The following B3GALT1 variants were observed in gnomAD, a reference collection of about 807,000 sequenced individuals.
B3GALT1 encodes the protein UDP-Gal:betaGlcNAc beta 1,3-galactosyltransferase, polypeptide 1.
A neutral mutation model predicts 23.2 loss-of-function variants in B3GALT1; 10 were observed. The observed-to-expected ratio is 0.43, with a 90% CI of 0.27 to 0.73. The LOEUF is 0.73. Ranked by LOEUF, B3GALT1 falls within the 30% of genes least tolerant of loss-of-function variation. B3GALT1 has a pLI of 0.21. For missense variants in B3GALT1, 299 were observed against 405.4 expected, an observed-to-expected ratio of 0.74 and a Z score of 2.25; for synonymous variants, 156 against 141.5, an observed-to-expected ratio of 1.10 and a Z score of -0.73.
At chr2:167,446,135 C>A (rs1463291536) in intron 1 of B3GALT1, among the ~76,000 whole-genome samples, 1 of 152,122 alleles carries the variant, frequency 6.6e-6, no homozygotes, top group East Asian at 1.9e-4. Context: ...CTTAGTTTGG[C>A]TGGATATGAA....
chr2:167,670,996 T>C (rs1461074214), intron 3 of B3GALT1, among the ~76,000 whole-genome samples: 2 of 152,092 alleles, frequency 1.3e-5, no homozygotes, highest in Non-Finnish European at 2.9e-5. Context: ...ATGGAAAAGA[T>C]ATTCCATGCA....
chr2:167,333,570 G>A (rs1290723715), intron 1 of B3GALT1, among the ~76,000 whole-genome samples: 1 of 152,158 alleles, frequency 6.6e-6, no homozygotes, highest in Non-Finnish European at 1.5e-5. Flanking sequence ...GGCTTCATAA[G>A]CACTGGGTTC....
Position 167,475,100 on chromosome 2 carries a change from A to G in B3GALT1, c.-510-15077A>G, listed in dbSNP as rs140344722. ...TTGCTTTCTGCAATTTCAATTACCT[A>G]TGGTCAGCTGCAGTCCAAAAATATT... On this transcript the variant is annotated intron_variant, in intron 1 of 4. Coordinates refer to ENST00000392690, the MANE Select transcript of B3GALT1 (RefSeq NM_020981.4). 6.4e-3 allele frequency among the ~76,000 whole-genome samples: 980 copies of G among 152,280 alleles called. 9 individuals are homozygous for G. Among genetic ancestry groups the G allele is most frequent in the Non-Finnish European group, 7.8e-3 (528 of 68,024 alleles).
chr2:167,700,106 C>G (rs1357386200), intron 3 of B3GALT1, among the ~76,000 whole-genome samples: 3 of 152,034 alleles, frequency 2.0e-5, no homozygotes, highest in African/African-American at 7.2e-5. Flanking sequence ...AAAAATTATC[C>G]AGGCGCAATG....
intron 2 of B3GALT1, among the ~76,000 whole-genome samples, chr2:167,516,387 TAA>T (rs1425474930): frequency 6.6e-6 from 1 of 152,114 alleles, no homozygotes; most frequent in African/African-American, 2.4e-5. Context: ...TTGTTTTGCT[TAA>T]GTTTTTTATT....
intron 1 of B3GALT1, among the ~76,000 whole-genome samples, chr2:167,408,248 A>G (rs754023296): frequency 3.9e-5 from 6 of 152,218 alleles, no homozygotes; most frequent in African/African-American, 9.6e-5. Context: ...AATATATCAC[A>G]TTAACAGAAT....
intron 1 of B3GALT1, among the ~76,000 whole-genome samples, chr2:167,442,269 A>G (rs993533704): frequency 9.9e-5 from 15 of 152,112 alleles, no homozygotes; most frequent in Admixed American, 3.9e-4. Flanking sequence ...TTCTTAATCC[A>G]GTCTATCATT....
At chr2:167,592,118 G>C (rs1684693787) in intron 2 of B3GALT1, among the ~76,000 whole-genome samples, 1 of 152,140 alleles carries the variant, frequency 6.6e-6, no homozygotes, top group Non-Finnish European at 1.5e-5. Flanking sequence ...TGCAAGTTTG[G>C]AGGCAAAAGA....
At chr2:167,667,686 T>G (rs1686229555) in intron 3 of B3GALT1, among the ~76,000 whole-genome samples, 1 of 152,230 alleles carries the variant, frequency 6.6e-6, no homozygotes, top group African/African-American at 2.4e-5. Context: ...CCCTTCTCGC[T>G]TCATTTCATT....
chr2:167,837,432 G>A (rs936981767), intron 4 of B3GALT1, among the ~76,000 whole-genome samples: 7 of 151,732 alleles, frequency 4.6e-5, no homozygotes, highest in Admixed American at 2.0e-4. Flanking sequence ...GACAAAGAAG[G>A]CCATTACATA....
chr2:167,349,150 G>A (rs1000684249), intron 1 of B3GALT1, among the ~76,000 whole-genome samples: 7 of 152,136 alleles, frequency 4.6e-5, no homozygotes, highest in Non-Finnish European at 8.8e-5. Context: ...GGGCAACCAT[G>A]GTGTGAAAAT....
intron 2 of B3GALT1, among the ~76,000 whole-genome samples, chr2:167,541,005 A>G (rs905223026): frequency 6.6e-6 from 1 of 152,184 alleles, no homozygotes; most frequent in African/African-American, 2.4e-5. Context: ...ATTACTTTAA[A>G]ATGGAATTTT....
Position 167,362,647 on chromosome 2 carries a change from G to A in B3GALT1, c.-511+69313G>A, listed in dbSNP as rs137960966. On this transcript the variant is annotated intron_variant, in intron 1 of 4. Transcript: ENST00000392690. ...TTTTCCTTCTGGGCCTTATTTAACTGTCTTTTGATATCTCCCCTTCCTGAG... is the reference window on the plus strand; with the variant it reads ...TTTTCCTTCTGGGCCTTATTTAACTATCTTTTGATATCTCCCCTTCCTGAG... 7.5e-3 allele frequency among the ~76,000 whole-genome samples: 1,129 copies of A among 151,330 alleles called. 19 individuals are homozygous for A. Among genetic ancestry groups the A allele is most frequent in the African/African-American group, 0.026 (1,086 of 41,114 alleles).
chr2:167,443,201 T>A (rs994592098), intron 1 of B3GALT1, among the ~76,000 whole-genome samples: 8 of 151,958 alleles, frequency 5.3e-5, no homozygotes, highest in Non-Finnish European at 1.0e-4. Context: ...GCGGCGTTAT[T>A]TCTGAGGGCT....
chr2:167,739,523 G>C (rs1164002035), intron 3 of B3GALT1, among the ~76,000 whole-genome samples: 1 of 152,206 alleles, frequency 6.6e-6, no homozygotes, highest in Non-Finnish European at 1.5e-5. Context: ...ATGAGAAAGT[G>C]ACTTGTGCTG....
At chr2:167,778,357 C>T in intron 3 of B3GALT1, among the ~76,000 whole-genome samples, 1 of 152,072 alleles carries the variant, frequency 6.6e-6, no homozygotes, top group East Asian at 1.9e-4. Context: ...CCCTACCACC[C>T]ACCCTATACC....
chr2:167,404,823 TC>T (rs1323698982), intron 1 of B3GALT1, among the ~76,000 whole-genome samples: 16 of 152,306 alleles, frequency 1.1e-4, no homozygotes, highest in African/African-American at 3.9e-4. Flanking sequence ...GTGCGTGTAT[TC>T]CTCAGAGTTT....
intron 3 of B3GALT1, among the ~76,000 whole-genome samples, chr2:167,653,440 T>C (rs1336406125): frequency 6.6e-6 from 1 of 152,186 alleles, no homozygotes; most frequent in Non-Finnish European, 1.5e-5. Context: ...CTGTTAATTA[T>C]TTTTTAATAA....
At chr2:167,755,557 A>G (rs536782005) in intron 3 of B3GALT1, among the ~76,000 whole-genome samples, 1 of 150,216 alleles carries the variant, frequency 6.7e-6, no homozygotes, top group Non-Finnish European at 1.5e-5. Context: ...GGCAAACCTC[A>G]CCCACCTAAC....
Sources: allele counts gnomAD v4.1 joint callset (sites outside exome capture counted in the v4.1 genomes callset), GRCh38; gene constraint gnomAD v4.1.1; transcripts MANE v1.5; gene names NCBI Gene and HGNC (gene_info 2026-07-23, HGNC 2026-07-21).